KCNH7: variants seen among roughly 807,000 people sequenced by gnomAD.
The protein encoded by KCNH7 is voltage-gated inwardly rectifying potassium channel KCNH7.
Under a neutral mutation model 120.8 loss-of-function variants are expected in KCNH7, and 49 were observed. The ratio of observed to expected loss-of-function variants is 0.41; its 90% CI spans 0.32 to 0.51. KCNH7 has a LOEUF of 0.51. Ranked by LOEUF, KCNH7 falls within the 20% of genes least tolerant of loss-of-function variation. KCNH7 has a pLI of 0.38. For synonymous variants in KCNH7, 547 were observed against 516.1 expected (o/e 1.06, Z -0.81); for missense variants, 1,097 against 1,446.6 (o/e 0.76, Z 3.92).
intron 2 of KCNH7, among the ~76,000 whole-genome samples, chr2:162,763,547 G>A (rs1489720990): frequency 1.3e-5 from 2 of 152,028 alleles, no homozygotes; most frequent in Non-Finnish European, 2.9e-5. Context: ...TAGAAAATAC[G>A]ATGGCCAGAG....
chr2:162,700,400 G>A (rs1574281983), intron 2 of KCNH7, among the ~76,000 whole-genome samples: 2 of 152,236 alleles, frequency 1.3e-5, no homozygotes, highest in African/African-American at 4.8e-5. Flanking sequence ...AGAGAGATCC[G>A]CTTGGGCCAG....
chr2:162,505,227 A>T (rs988975552), intron 5 of KCNH7, among the ~76,000 whole-genome samples: 1 of 151,966 alleles, frequency 6.6e-6, no homozygotes, highest in Admixed American at 6.6e-5. Flanking sequence ...TTACAGATAA[A>T]GCTGCAGAGG....
intron 2 of KCNH7, among the ~76,000 whole-genome samples, chr2:162,715,648 G>C (rs1189264451): frequency 1.3e-5 from 2 of 152,206 alleles, no homozygotes; most frequent in East Asian, 3.8e-4. Flanking sequence ...AATTGTGACA[G>C]AAGCAGTGTC....
At chr2:162,567,600 T>C (rs1693303124) in intron 2 of KCNH7, among the ~76,000 whole-genome samples, 1 of 152,036 alleles carries the variant, frequency 6.6e-6, no homozygotes, top group East Asian at 1.9e-4. Flanking sequence ...GTTTTGTATA[T>C]TGATTTGTAT....
chr2:162,682,991 T>C (rs912066045), intron 2 of KCNH7, among the ~76,000 whole-genome samples: 3 of 151,846 alleles, frequency 2.0e-5, no homozygotes, highest in African/African-American at 7.2e-5. Context: ...AATTTTTTTA[T>C]TTCTTCTTCC....
rs549666707 is a variant in KCNH7, at chr2:162,742,830, G to A, written c.307+93707C>T. 2.6e-5 allele frequency among the ~76,000 whole-genome samples: 4 copies of A among 152,282 alleles called. No individual in the cohort carries two copies. In the South Asian group the frequency reaches 8.3e-4, roughly 32 times the overall value. On this transcript the variant is annotated intron_variant, in intron 2 of 15. Transcript: ENST00000332142. Reference sequence around the variant, plus strand: ...TTAACGGCTCTTGTGACAAAAATTAGAGACATGCTCCAATTCAGGTAGTGG... The same window carrying A: ...TTAACGGCTCTTGTGACAAAAATTAAAGACATGCTCCAATTCAGGTAGTGG...
intron 2 of KCNH7, among the ~76,000 whole-genome samples, chr2:162,761,145 T>C (rs552068986): frequency 6.6e-6 from 1 of 152,236 alleles, no homozygotes; most frequent in East Asian, 1.9e-4. Flanking sequence ...TTTTGCTTCA[T>C]CTACATTTCC....
At chr2:162,830,907 A>AT (rs1244012451) in intron 2 of KCNH7, among the ~76,000 whole-genome samples, 2 of 152,116 alleles carry the variant, frequency 1.3e-5, no homozygotes, top group Admixed American at 6.5e-5. Flanking sequence ...ATAAATCTCT[A>AT]TTTTTTATAA....
intron 1 of KCNH7, 108 bp from the exon 2 acceptor site, chr2:162,836,875 C>T: frequency 1.4e-6 from 1 of 695,798 alleles, no homozygotes. Flanking sequence ...AGGTGCCTCC[C>T]CAAATTACTA....
intron 3 of KCNH7, among the ~76,000 whole-genome samples, chr2:162,524,005 A>G (rs1031445572): frequency 6.6e-6 from 1 of 151,932 alleles, no homozygotes; most frequent in Non-Finnish European, 1.5e-5. Flanking sequence ...TATGGGGAGT[A>G]AAGTAAGGTT....
At chr2:162,752,995 AAAGAAAAGAAAAGAAAAGAAAAG>A in intron 2 of KCNH7, among the ~76,000 whole-genome samples, 2 of 142,532 alleles carry the variant, frequency 1.4e-5, no homozygotes, top group Non-Finnish European at 3.0e-5. Context: ...AAAGAAAAGA[AAAGAAAAGAAAAGAAAAGAAAAG>A]AAAAGAAAAG....
chr2:162,413,831 CAAACG>C (rs1687464612), intron 9 of KCNH7, among the ~76,000 whole-genome samples: 1 of 150,662 alleles, frequency 6.6e-6, no homozygotes, highest in Non-Finnish European at 1.5e-5. Flanking sequence ...AGTCCTTAAA[CAAACG>C]AACATATTGA....
intron 7 of KCNH7, among the ~76,000 whole-genome samples, chr2:162,444,376 G>A (rs1023296317): frequency 1.3e-5 from 2 of 152,104 alleles, no homozygotes; most frequent in African/African-American, 4.8e-5. Context: ...AAATAGAACT[G>A]AGAGCATCAC....
chr2:162,734,724 C>T (rs1166279578), intron 2 of KCNH7, among the ~76,000 whole-genome samples: 1 of 151,798 alleles, frequency 6.6e-6, no homozygotes, highest in Non-Finnish European at 1.5e-5. Context: ...AAAACCATGG[C>T]TTTAAATATT....
chr2:162,546,613 C>T (rs1014827866), intron 2 of KCNH7, among the ~76,000 whole-genome samples: 13 of 152,118 alleles, frequency 8.5e-5, no homozygotes, highest in African/African-American at 3.1e-4. Context: ...TGGTGACATG[C>T]CTGGTGTGCC....
At chr2:162,574,894 C>T (rs1000074210) in intron 2 of KCNH7, among the ~76,000 whole-genome samples, 2 of 152,062 alleles carry the variant, frequency 1.3e-5, no homozygotes, top group African/African-American at 2.4e-5. Context: ...ATTGTTGCTT[C>T]TTACGATCAC....
rs886131855 is a variant in KCNH7 at position 162,838,583 on chromosome 2, G to A, written c.-65C>T. ...TGGAGTTCTCCCGGGATCTCTCCTC[G>A]GCTAGAGCCCAGGCCAGCGCGCGAG... On this transcript the variant is annotated 5_prime_UTR_variant, in exon 1 of 16. Transcript: ENST00000332142. The A allele has an allele frequency of 8.1e-6, 11 of 1,363,932 alleles. No homozygotes were observed. The highest frequency in any genetic ancestry group is 1.0e-5 in the Non-Finnish European group (10 of 973,234). 84.5% of individuals were successfully genotyped at this position (1,363,932 alleles called of 1,614,324 possible).
At chr2:162,540,585 G>A (rs1692270596) in intron 2 of KCNH7, among the ~76,000 whole-genome samples, 2 of 152,056 alleles carry the variant, frequency 1.3e-5, no homozygotes, top group Admixed American at 1.3e-4. Context: ...TTATGTCTTT[G>A]AGGAATAGCA....
chr2:162,827,668 A>G (rs2105608580), intron 2 of KCNH7, among the ~76,000 whole-genome samples: 1 of 152,306 alleles, frequency 6.6e-6, no homozygotes, highest in Middle Eastern at 3.4e-3. Context: ...GAACTAGGAA[A>G]TACAGAATAG....
Sources: allele counts gnomAD v4.1 joint callset (sites outside exome capture counted in the v4.1 genomes callset), GRCh38; gene constraint gnomAD v4.1.1; transcripts MANE v1.5; gene names NCBI Gene and HGNC (gene_info 2026-07-23, HGNC 2026-07-21).